The following SCN3B variants were observed in gnomAD, a reference collection of about 807,000 sequenced individuals.
The protein encoded by SCN3B is sodium channel regulatory subunit beta-3.
In SCN3B, 11 loss-of-function variants were observed where a neutral mutation model predicts 25.4. That is an observed-to-expected ratio of 0.43 (90% confidence interval 0.27 to 0.72). The LOEUF (loss-of-function observed/expected upper bound fraction) is 0.72. Ranked by LOEUF, SCN3B falls within the 30% of genes least tolerant of loss-of-function variation. The probability of loss-of-function intolerance (pLI) is 0.18; values close to 1 mark genes in which losing one functional copy is unlikely to be tolerated. For missense variants in SCN3B, 218 were observed against 278.3 expected, an observed-to-expected ratio of 0.78 and a Z score of 1.54; for synonymous variants, 109 against 110.7, an observed-to-expected ratio of 0.99 and a Z score of 0.09.
chr11:123,652,773 C>G (rs1955941852), intron 2 of SCN3B, among the ~76,000 whole-genome samples: 1 of 152,200 alleles, frequency 6.6e-6, no homozygotes. Context: ...ACCCCCACCC[C>G]TGCCATACAC....
intron 2 of SCN3B, among the ~76,000 whole-genome samples, chr11:123,648,151 G>A (rs937862596): frequency 3.9e-5 from 6 of 152,212 alleles, no homozygotes; most frequent in Non-Finnish European, 8.8e-5. Context: ...TTTAATGAGA[G>A]CTGGCAAAGA....
At chr11:123,645,039 G>A (rs1392861781) in intron 3 of SCN3B, among the ~76,000 whole-genome samples, 1 of 151,734 alleles carries the variant, frequency 6.6e-6, no homozygotes, top group Non-Finnish European at 1.5e-5. Context: ...AGCCACTTAG[G>A]AGACTCGGCA....
At chr11:123,652,595 GT>G (rs1300385154) in intron 2 of SCN3B, among the ~76,000 whole-genome samples, 1 of 152,224 alleles carries the variant, frequency 6.6e-6, no homozygotes, top group Non-Finnish European at 1.5e-5. Flanking sequence ...CACATGCCTC[GT>G]TTCAGGGAGG....
intron 5 of SCN3B, among the ~76,000 whole-genome samples, chr11:123,635,555 A>G (rs930229219): frequency 3.9e-5 from 6 of 151,978 alleles, no homozygotes; most frequent in African/African-American, 9.7e-5. Flanking sequence ...GCGTGGTGGC[A>G]GGTGCCTGTA....
chr11:123,644,800 A>AGAGAGAGAATAT (rs1272015067), intron 3 of SCN3B, among the ~76,000 whole-genome samples: 2 of 45,588 alleles, frequency 4.4e-5, no homozygotes, highest in African/African-American at 1.6e-4. Context: ...AGAGAGAGAG[A>AGAGAGAGAATAT]ATATATATAT....
intron 2 of SCN3B, among the ~76,000 whole-genome samples, chr11:123,647,451 C>T (rs1040372545): frequency 3.9e-5 from 6 of 152,156 alleles, no homozygotes; most frequent in African/African-American, 9.7e-5. Flanking sequence ...GCACTCCAGA[C>T]TGGTTGACAG....
intron 4 of SCN3B, among the ~76,000 whole-genome samples, chr11:123,641,941 C>G (rs934426761): frequency 6.6e-6 from 1 of 152,170 alleles, no homozygotes; most frequent in Admixed American, 6.5e-5. Context: ...AACTCTCAGG[C>G]TCCACCGACA....
At chr11:123,653,905 C>A in intron 1 of SCN3B, 79 bp from the exon 2 acceptor site, 1 of 1,338,742 alleles carries the variant, frequency 7.5e-7, no homozygotes, top group Non-Finnish European at 1.1e-6. Context: ...CGAACTGCCC[C>A]CAGGGGGCGA....
At chr11:123,644,800 A>AGAGAGAGAGAGAGAGAGAG in intron 3 of SCN3B, among the ~76,000 whole-genome samples, 1 of 45,588 alleles carries the variant, frequency 2.2e-5, no homozygotes, top group African/African-American at 7.8e-5. Context: ...AGAGAGAGAG[A>AGAGAGAGAGAGAGAGAGAG]ATATATATAT....
chr11:123,641,808 C>T (rs1183309108), intron 4 of SCN3B, among the ~76,000 whole-genome samples: 2 of 152,112 alleles, frequency 1.3e-5, no homozygotes, highest in East Asian at 1.9e-4. Flanking sequence ...AGAGGTTGCA[C>T]GTGTGATTAC....
chr11:123,644,916 C>G (rs1351037192), intron 3 of SCN3B, among the ~76,000 whole-genome samples: 1 of 150,632 alleles, frequency 6.6e-6, no homozygotes, highest in Non-Finnish European at 1.5e-5. Flanking sequence ...GCCACTGGCA[C>G]CAACCACCCA....
chr11:123,644,799 G>GAGAA (rs1205244244), intron 3 of SCN3B, among the ~76,000 whole-genome samples: 1 of 27,008 alleles, frequency 3.7e-5, no homozygotes, highest in Non-Finnish European at 6.5e-5. Context: ...GAGAGAGAGA[G>GAGAA]AATATATATA....
At chr11:123,637,214 G>A (rs955604214) in intron 5 of SCN3B, among the ~76,000 whole-genome samples, 2 of 152,156 alleles carry the variant, frequency 1.3e-5, no homozygotes, top group African/African-American at 4.8e-5. Context: ...AATGGCTAAG[G>A]TACAGGCTGG....
chr11:123,646,533 C>T (rs964286437), intron 2 of SCN3B, among the ~76,000 whole-genome samples: 3 of 152,102 alleles, frequency 2.0e-5, no homozygotes, highest in South Asian at 4.1e-4. Flanking sequence ...AAATGGCGAG[C>T]GGACCACTAA....
chr11:123,642,730 G>T lies in SCN3B; in HGVS notation c.220-59C>A. The stretch of plus-strand genomic sequence containing the variant: ...GGAAAGGAGATGGCAGTGGGGGGAA[G>T]CCGAGTTAGGGACAGGGCAGAGAAA... On this transcript the variant is annotated intron_variant, in intron 3 of 6. Coordinates refer to ENST00000299333, the MANE Select transcript of SCN3B (RefSeq NM_001040151.2). The surrounding 1 kb of genome is among the most constrained non-coding windows in gnomAD (Gnocchi z 4.3). 1 of 1,309,634 alleles carries T rather than the reference G, an allele frequency of 7.6e-7. No individual in the cohort carries two copies. Among genetic ancestry groups the T allele is most frequent in the Non-Finnish European group, 1.1e-6 (1 of 912,374 alleles). 81.1% of individuals were successfully genotyped at this position (1,309,634 alleles called of 1,614,324 possible).
chr11:123,644,794 AGAGAGAATAT>A (rs1183070626), intron 3 of SCN3B, among the ~76,000 whole-genome samples: 1 of 89,104 alleles, frequency 1.1e-5, no homozygotes, highest in Non-Finnish European at 2.2e-5. Context: ...AGAGAGAGAG[AGAGAGAATAT>A]ATATATATAT....
chr11:123,633,757 C>A lies in SCN3B; in HGVS notation c.*42G>T. 1 of 325,418 alleles carries A rather than the reference C, an allele frequency of 3.1e-6. No individual in the cohort carries two copies. 20.2% of individuals were successfully genotyped at this position (325,418 alleles called of 1,614,324 possible). The stretch of plus-strand genomic sequence containing the variant: ...CATTGCTGAACATGGGATGTCCAGT[C>A]CCTCAGGTGTTCAGGCCACCTACCA... On this transcript the variant is annotated 3_prime_UTR_variant, in exon 7 of 7. Transcript: ENST00000299333.
intron 5 of SCN3B, among the ~76,000 whole-genome samples, chr11:123,636,651 C>T (rs1056704520): frequency 6.6e-6 from 1 of 151,892 alleles, no homozygotes; most frequent in East Asian, 1.9e-4. Flanking sequence ...CTCCCTCAGC[C>T]GTTCTGTCTC....
rs1056271124 is a variant in SCN3B, at chr11:123,631,444, A to G, written c.*2355T>C. 6.6e-6 allele frequency: 1 copy of G among 152,204 alleles called. No homozygotes were observed. Among genetic ancestry groups the G allele is most frequent in the African/African-American group, 2.4e-5 (1 of 41,446 alleles). 9.4% of individuals were successfully genotyped at this position (152,204 alleles called of 1,614,324 possible). On this transcript the variant is annotated 3_prime_UTR_variant, in exon 7 of 7. Coordinates refer to ENST00000299333, the MANE Select transcript of SCN3B (RefSeq NM_001040151.2). Reference sequence around the variant, plus strand: ...GTCTATATCCTCTCCCTTATTTCAGAGGGATTGTGTGGAAAATTACCAATA... The same window carrying G: ...GTCTATATCCTCTCCCTTATTTCAGGGGGATTGTGTGGAAAATTACCAATA...
Sources: allele counts gnomAD v4.1 joint callset (sites outside exome capture counted in the v4.1 genomes callset), GRCh38; gene constraint gnomAD v4.1.1; non-coding constraint Gnocchi (gnomAD v3.1); transcripts MANE v1.5; gene names NCBI Gene and HGNC (gene_info 2026-07-23, HGNC 2026-07-21).